Variants in ZCCHC14 observed in about 807,000 individuals in gnomAD.
ZCCHC14 encodes zinc finger CCHC domain-containing protein 14.
A neutral mutation model predicts 85.0 loss-of-function variants in ZCCHC14; 16 were observed. The observed-to-expected ratio is 0.19, with a 90% CI of 0.13 to 0.29. The LOEUF is 0.29. Among genes scored for constraint, ZCCHC14 ranks in the 10% least tolerant of loss-of-function variants. ZCCHC14 has a pLI of 1.00. For missense variants in ZCCHC14, 1,303 were observed against 1,443.5 expected, an observed-to-expected ratio of 0.90 and a Z score of 1.58; for synonymous variants, 775 against 630.7, an observed-to-expected ratio of 1.23 and a Z score of -3.43.
At chr16:87,421,057 G>A (rs916774435) in intron 4 of ZCCHC14, among the ~76,000 whole-genome samples, 5 of 152,250 alleles carry the variant, frequency 3.3e-5, no homozygotes, top group African/African-American at 1.2e-4. Flanking sequence ...CCTGGTGGCT[G>A]CCACACCAGC....
chr16:87,470,846 C>G, intron 1 of ZCCHC14: 1 of 152,312 alleles, frequency 6.6e-6, no homozygotes, highest in East Asian at 1.9e-4. Context: ...CGAAATATTA[C>G]TAGCATTTAT....
At chr16:87,465,696 G>A (rs975883420) in intron 1 of ZCCHC14, among the ~76,000 whole-genome samples, 2 of 152,246 alleles carry the variant, frequency 1.3e-5, no homozygotes, top group African/African-American at 4.8e-5. Flanking sequence ...TTTGATTCAT[G>A]AGGTCCGGGG....
chr16:87,415,186 A>G, intron 9 of ZCCHC14, 90 bp downstream of exon 9: 1 of 1,028,740 alleles, frequency 9.7e-7, no homozygotes. Context: ...TAATCCAATC[A>G]CTAGTATTTA....
chr16:87,450,166 T>C (rs1383243256), intron 2 of ZCCHC14, among the ~76,000 whole-genome samples: 2 of 152,250 alleles, frequency 1.3e-5, no homozygotes, highest in Admixed American at 6.5e-5. Context: ...GATCACACCG[T>C]AGATACTTCC....
intron 1 of ZCCHC14, among the ~76,000 whole-genome samples, chr16:87,483,907 G>C (rs936157885): frequency 6.6e-6 from 1 of 152,216 alleles, no homozygotes; most frequent in African/African-American, 2.4e-5. Context: ...GTAAATGACA[G>C]TGCACTGGTT....
Position 87,410,351 on chromosome 16 carries a change from A to G in ZCCHC14, c.3206-16T>C. On this transcript the variant is annotated splice_polypyrimidine_tract_variant and intron_variant, in intron 12 of 12. Transcript: ENST00000671377. ...CTAAAAGTACCTAGAGAGAGGGGAAAAAAGAGGTCAAATTTGAATGACTGT... is the reference window on the plus strand; with the variant it reads ...CTAAAAGTACCTAGAGAGAGGGGAAGAAAGAGGTCAAATTTGAATGACTGT... The G allele has an allele frequency of 2.6e-6, 2 of 773,362 alleles. No homozygotes were observed. Among genetic ancestry groups the G allele is most frequent in the Non-Finnish European group, 4.8e-6 (2 of 415,398 alleles). 47.9% of individuals were successfully genotyped at this position (773,362 alleles called of 1,614,324 possible).
rs768500170 is a variant in ZCCHC14 at position 87,417,754 on chromosome 16, G to A, written c.1101-12C>T. On this transcript the variant is annotated splice_polypyrimidine_tract_variant and intron_variant, in intron 7 of 12. Transcript: ENST00000671377. The stretch of plus-strand genomic sequence containing the variant: ...CTCCACACACAGGCCTGTGGGACAG[G>A]GGCAGGAGGGACACAGAGAGACTGT... The A allele has an allele frequency of 7.7e-6, 12 of 1,567,416 alleles. No individual in the cohort carries two copies. The highest frequency in any genetic ancestry group is 1.0e-5 in the Non-Finnish European group (12 of 1,159,704).
At chr16:87,488,102 G>C (rs150501305) in intron 1 of ZCCHC14, among the ~76,000 whole-genome samples, 11 of 152,120 alleles carry the variant, frequency 7.2e-5, no homozygotes, top group Non-Finnish European at 1.3e-4. Flanking sequence ...ACTGTAAAAG[G>C]GTGAAGTATA....
intron 1 of ZCCHC14, among the ~76,000 whole-genome samples, chr16:87,480,130 G>A (rs576364573): frequency 7.9e-5 from 12 of 152,090 alleles, no homozygotes; most frequent in Non-Finnish European, 1.3e-4. Flanking sequence ...AGGGCCAGGC[G>A]CAGTGGCTCA....
chr16:87,435,332 T>C (rs906854866), intron 2 of ZCCHC14, among the ~76,000 whole-genome samples: 2 of 152,338 alleles, frequency 1.3e-5, no homozygotes, highest in Non-Finnish European at 2.9e-5. Context: ...TCTGCAGCCA[T>C]GGGAGGCTAG....
intron 1 of ZCCHC14, among the ~76,000 whole-genome samples, chr16:87,468,837 G>T (rs9934645): frequency 0.29 from 44,423 of 152,064 alleles, 9,865 homozygotes; most frequent in African/African-American, 0.6. Flanking sequence ...GTACCTGCCC[G>T]CAGGCCTCAG....
intron 1 of ZCCHC14, among the ~76,000 whole-genome samples, chr16:87,476,515 C>G (rs1912010347): frequency 6.6e-6 from 1 of 152,050 alleles, no homozygotes; most frequent in South Asian, 2.1e-4. Context: ...GCTTCTTACA[C>G]TGCACAAGGC....
At chr16:87,452,026 GAGCCACCACGGACA>G (rs1910731505) in intron 2 of ZCCHC14, among the ~76,000 whole-genome samples, 1 of 152,224 alleles carries the variant, frequency 6.6e-6, no homozygotes. Flanking sequence ...CAGCGTTCTT[GAGCCACCACGGACA>G]AGCCGTAAGC....
Position 87,408,144 on chromosome 16 carries a change from T to C in ZCCHC14, c.*2136A>G, listed in dbSNP as rs1375670756. 6.5e-6 allele frequency: 1 copy of C among 152,694 alleles called. No homozygotes were observed. The highest frequency in any genetic ancestry group is 1.5e-5 in the Non-Finnish European group (1 of 68,074). 9.5% of individuals were successfully genotyped at this position (152,694 alleles called of 1,614,324 possible). A position where few individuals can be genotyped will look rare whatever the true frequency, so the allele number is the denominator to read the frequency against. On this transcript the variant is annotated 3_prime_UTR_variant, in exon 13 of 13. Transcript: ENST00000671377. ...TTTAATGTTTTGCTGGATTTAAGGT[T>C]AACCTCTAATACTTATCAAAATAGT...
chr16:87,410,312 G>T lies in ZCCHC14; in HGVS notation c.3229C>A (p.Pro1077Thr). Residue 1077 changes from proline (P) to threonine (T), a missense_variant, in exon 13 of 13, where the codon CCT becomes ACT. This residue lies in a region of ZCCHC14 where 797 missense variants were observed against 730.8 expected (regional missense o/e 1.09). Coordinates refer to ENST00000671377, the MANE Select transcript of ZCCHC14 (RefSeq NM_015144.3). ...RPGTFRLKYA[P>T]PAESLDSTD ...GTGGAGTCCAGACTTTCTGCTGGAG[G>T]GGCGTATTTCAACCTAAAAGTACCT... The T allele has an allele frequency of 1.3e-6, 1 of 776,744 alleles. No homozygotes were observed. Among genetic ancestry groups the T allele is most frequent in the Non-Finnish European group, 2.4e-6 (1 of 416,632 alleles). The allele number at this position is 776,744 out of a possible 1,614,324, so 48.1% of individuals were successfully genotyped here. A position where few individuals can be genotyped will look rare whatever the true frequency, so the allele number is the denominator to read the frequency against.
At chr16:87,488,118 T>C (rs1486678526) in intron 1 of ZCCHC14, among the ~76,000 whole-genome samples, 1 of 152,176 alleles carries the variant, frequency 6.6e-6, no homozygotes, top group Admixed American at 6.5e-5. Context: ...GTATATATAG[T>C]ATATGAATTC....
chr16:87,416,680 C>T (rs1037123038), intron 8 of ZCCHC14, among the ~76,000 whole-genome samples: 2 of 152,152 alleles, frequency 1.3e-5, no homozygotes, highest in East Asian at 1.9e-4. Context: ...CGCTTGAACC[C>T]GGGAGGCAGA....
At chr16:87,423,728 C>A (rs1909224612) in intron 4 of ZCCHC14, 82 bp downstream of exon 4, 7 of 1,495,560 alleles carry the variant, frequency 4.7e-6, no homozygotes, top group Non-Finnish European at 6.5e-6. Flanking sequence ...AAGGGAGTGG[C>A]CTCTGAAATT....
Position 87,415,387 on chromosome 16 carries a change from T to A in ZCCHC14, c.1384-20A>T, listed in dbSNP as rs1438586983. 1 of 1,604,884 alleles carries A rather than the reference T, an allele frequency of 6.2e-7. No individual in the cohort carries two copies. On this transcript the variant is annotated intron_variant, in intron 8 of 12. Coordinates refer to ENST00000671377, the MANE Select transcript of ZCCHC14 (RefSeq NM_015144.3). ...CAAAAACTTTCACAGAAAAAACAAA[T>A]TACAAAGTTACGGAGACATAAGTAG...
Sources: gnomAD v4.1 joint callset for allele counts (sites outside exome capture counted in the v4.1 genomes callset) on GRCh38, gnomAD v4.1.1 for gene constraint, gnomAD v4.1.1 regional missense constraint, MANE v1.5 for transcripts, NCBI Gene and HGNC (gene_info 2026-07-23, HGNC 2026-07-21) for gene names.